CALD1: variants seen among roughly 807,000 people sequenced by gnomAD.
CALD1 encodes the protein caldesmon.
A neutral mutation model predicts 99.9 loss-of-function variants in CALD1; 33 were observed. That is an observed-to-expected ratio of 0.33 (90% CI 0.25 to 0.44). The LOEUF (loss-of-function observed/expected upper bound fraction) is 0.44, where lower values mean the gene tolerates loss of function less well. Among genes scored for constraint, CALD1 ranks in the 20% least tolerant of loss-of-function variants. The pLI, the probability that CALD1 is intolerant of heterozygous loss-of-function variation, is 1.00. For synonymous variants in CALD1, 310 were observed against 325.0 expected (o/e 0.95, Z 0.50); for missense variants, 861 against 962.1 (o/e 0.89, Z 1.39).
chr7:134,807,890 A>C (rs1463123001), intron 1 of CALD1, among the ~76,000 whole-genome samples: 1 of 152,040 alleles, frequency 6.6e-6, no homozygotes, highest in Non-Finnish European at 1.5e-5. Flanking sequence ...GGCCTCCCAA[A>C]GTGCTGGGAT....
At position 134,933,643 on chromosome 7, in the gene CALD1, C is replaced by T. The variant is rs142006920; in HGVS notation, c.874C>T (p.Arg292Ter). The change falls in exon 5 of 15, where the codon CGA becomes TGA. Residue 292 changes from arginine to a stop codon, truncating the protein, a stop_gained. Transcript: ENST00000361675. LOFTEE classifies it high-confidence loss of function. Reference sequence around the variant, plus strand: ...GCAAGACAAAAAGATAGCAGATGAACGAGCAAGAATTGAAGCAGAAGAAAA... The same window carrying T: ...GCAAGACAAAAAGATAGCAGATGAATGAGCAAGAATTGAAGCAGAAGAAAA... ...AEQDKKIADE[R>*]ARIEAEEKAA... is the part of the protein sequence containing the mutation. The T allele has an allele frequency of 3.7e-6, 6 of 1,607,500 alleles. No individual in the cohort carries two copies. The highest frequency in any genetic ancestry group is 1.7e-5 in the Admixed American group (1 of 59,030).
chr7:134,861,186 A>G lies in CALD1; in HGVS notation c.-41-6507A>G, dbSNP rs147474541. Among the ~76,000 whole-genome samples, 335 of 152,332 alleles carry G rather than the reference A, an allele frequency of 2.2e-3. 2 individuals carry two copies. The highest frequency in any genetic ancestry group is 7.5e-3 in the African/African-American group (313 of 41,576). On this transcript the variant is annotated intron_variant, in intron 2 of 14. Coordinates refer to ENST00000361675, the MANE Select transcript of CALD1 (RefSeq NM_033138.4). ...GGCGTAAGATGAAACTTTGAATATTATCTCTCCAACCAGCTCACTTTATAG... is the reference window on the plus strand; with the variant it reads ...GGCGTAAGATGAAACTTTGAATATTGTCTCTCCAACCAGCTCACTTTATAG...
At chr7:134,966,429 TGCTAACTACTAGC>T (rs1264619093) in intron 14 of CALD1, among the ~76,000 whole-genome samples, 2 of 152,252 alleles carry the variant, frequency 1.3e-5, no homozygotes, top group African/African-American at 4.8e-5. Flanking sequence ...ATTATCACAT[TGCTAACTACTAGC>T]GCTACAAGTG....
At chr7:134,812,667 C>T (rs1798399071) in intron 1 of CALD1, among the ~76,000 whole-genome samples, 1 of 151,716 alleles carries the variant, frequency 6.6e-6, no homozygotes, top group Non-Finnish European at 1.5e-5. Context: ...TTAGGAAGAA[C>T]ATACAAGGAG....
chr7:134,746,209 G>C (rs543113469), intron 1 of CALD1, among the ~76,000 whole-genome samples: 1 of 152,252 alleles, frequency 6.6e-6, no homozygotes, highest in East Asian at 1.9e-4. Context: ...TTTGGGAGGT[G>C]ACTAAATCAT....
chr7:134,732,148 A>C, the CALD1 span, among the ~76,000 whole-genome samples: 1 of 152,084 alleles, frequency 6.6e-6, no homozygotes, highest in African/African-American at 2.4e-5. Flanking sequence ...TAATGCAATA[A>C]TTTCCTAACA....
chr7:134,733,630 A>C, the CALD1 span, among the ~76,000 whole-genome samples: 1 of 151,744 alleles, frequency 6.6e-6, no homozygotes, highest in Non-Finnish European at 1.5e-5. Context: ...AACATGGTGA[A>C]ACCCCGTCTC....
At chr7:134,787,396 T>A (rs2131726637) in intron 1 of CALD1, among the ~76,000 whole-genome samples, 1 of 152,316 alleles carries the variant, frequency 6.6e-6, no homozygotes, top group South Asian at 2.1e-4. Flanking sequence ...AAAAAAAATT[T>A]TAAGTATTTC....
chr7:134,771,672 CA>C (rs1206103092), intron 1 of CALD1, among the ~76,000 whole-genome samples: 1 of 152,046 alleles, frequency 6.6e-6, no homozygotes, highest in Non-Finnish European at 1.5e-5. Flanking sequence ...CATCTTAGAA[CA>C]AGCCCCGCAG....
At chr7:134,930,116 CTTAAT>C (rs1213824596) in intron 4 of CALD1, among the ~76,000 whole-genome samples, 3 of 152,054 alleles carry the variant, frequency 2.0e-5, no homozygotes, top group African/African-American at 7.2e-5. Flanking sequence ...CAGAATTCCG[CTTAAT>C]TTAATGTGAT....
chr7:134,727,012 C>T, the CALD1 span, among the ~76,000 whole-genome samples: 1 of 152,188 alleles, frequency 6.6e-6, no homozygotes, highest in Non-Finnish European at 1.5e-5. Flanking sequence ...AGCTTCTTTG[C>T]ACTACTAGAA....
chr7:134,923,786 G>C (rs1804785676), intron 3 of CALD1, among the ~76,000 whole-genome samples: 1 of 152,102 alleles, frequency 6.6e-6, no homozygotes. Flanking sequence ...TGCATTACTG[G>C]TATTAAATTG....
chr7:134,812,801 G>T (rs1231465017), intron 1 of CALD1, among the ~76,000 whole-genome samples: 5 of 152,140 alleles, frequency 3.3e-5, no homozygotes, highest in African/African-American at 1.2e-4. Flanking sequence ...TCAGGGAAGA[G>T]GTCCTGAATA....
chr7:134,959,903 G>A, intron 11 of CALD1, 71 bp from the exon 12 acceptor site: 1 of 1,507,480 alleles, frequency 6.6e-7, no homozygotes, highest in South Asian at 1.2e-5. Flanking sequence ...TGTTGAGGAA[G>A]ACAAACTCAC....
chr7:134,861,803 A>G (rs552912732), intron 2 of CALD1, among the ~76,000 whole-genome samples: 4 of 152,342 alleles, frequency 2.6e-5, no homozygotes, highest in East Asian at 1.9e-4. Flanking sequence ...GACCTGTCTA[A>G]TAATGGTTTT....
At chr7:134,877,238 T>C (rs1563062007) in intron 3 of CALD1, among the ~76,000 whole-genome samples, 1 of 152,176 alleles carries the variant, frequency 6.6e-6, no homozygotes, top group Non-Finnish European at 1.5e-5. Context: ...CCATCTGGGG[T>C]ATCACTGAAC....
intron 1 of CALD1, among the ~76,000 whole-genome samples, chr7:134,806,588 C>T (rs1312157439): frequency 2.0e-5 from 3 of 152,164 alleles, no homozygotes; most frequent in Non-Finnish European, 4.4e-5. Flanking sequence ...TTTTCTGCAA[C>T]ATTTATGCAT....
chr7:134,748,434 G>A (rs1796654441), intron 1 of CALD1, among the ~76,000 whole-genome samples: 1 of 152,240 alleles, frequency 6.6e-6, no homozygotes, highest in Admixed American at 6.5e-5. Flanking sequence ...ATGAGGCTGG[G>A]CGCACTGGCT....
At chr7:134,737,292 T>G in the CALD1 span, among the ~76,000 whole-genome samples, 4 of 84,554 alleles carry the variant, frequency 4.7e-5, no homozygotes, top group African/African-American at 5.2e-5. Context: ...ACCCGGCTAA[T>G]TTTTGTAATT....
Sources: allele counts gnomAD v4.1 joint callset (sites outside exome capture counted in the v4.1 genomes callset), GRCh38; gene constraint gnomAD v4.1.1; transcripts MANE v1.5; gene names NCBI Gene and HGNC (gene_info 2026-07-23, HGNC 2026-07-21).